SLC5A8: variants seen among roughly 807,000 people sequenced by gnomAD.
The protein encoded by SLC5A8 is sodium-coupled monocarboxylate transporter 1.
A neutral mutation model predicts 71.9 loss-of-function variants in SLC5A8; 55 were observed. The ratio of observed to expected loss-of-function variants is 0.77; its 90% CI spans 0.62 to 0.96. The LOEUF is 0.96. SLC5A8 is among the 40% of genes least tolerant of loss of function. The probability of loss-of-function intolerance (pLI) is 0.00; values close to 1 mark genes in which losing one functional copy is unlikely to be tolerated. For synonymous variants in SLC5A8, 307 were observed against 276.1 expected, an observed-to-expected ratio of 1.11 and a Z score of -1.11; for missense variants, 701 against 745.3, an observed-to-expected ratio of 0.94 and a Z score of 0.69.
chr12:101,191,626 A>G (rs890452905), intron 5 of SLC5A8, among the ~76,000 whole-genome samples: 1 of 152,252 alleles, frequency 6.6e-6, no homozygotes, highest in Non-Finnish European at 1.5e-5. Context: ...AAGTATGACA[A>G]GATTTAAAAC....
rs144991058 is a variant in SLC5A8 at position 101,182,885 on chromosome 12, T to C, written c.1083A>G (p.Ala361=). ...TGATTAGATCTTCCACAGTTACTGC[T>C]GCTAAGGCATTAATACTGGAGGACA... The part of the protein sequence containing the change: ...STVSSSINAL[A]AVTVEDLIKP... Residue 361 remains alanine, a synonymous_variant, in exon 9 of 15, where the codon GCA becomes GCG. Coordinates refer to ENST00000536262, the MANE Select transcript of SLC5A8 (RefSeq NM_145913.5). 5.0e-4 allele frequency: 800 copies of C among 1,593,172 alleles called. 1 individual carries two copies. The highest frequency in any genetic ancestry group is 6.4e-4 in the Non-Finnish European group (752 of 1,172,660).
chr12:101,184,183 G>T lies in SLC5A8; in HGVS notation c.1003C>A (p.Pro335Thr), dbSNP rs1420796225. 6.2e-7 allele frequency: 1 copy of T among 1,614,174 alleles called. No individual in the cohort carries two copies. Among genetic ancestry groups the T allele is most frequent in the Non-Finnish European group, 8.5e-7 (1 of 1,180,028 alleles). Reference protein sequence around the residue: ...YLVLDILQDYPGLPGLFVACA... With the variant: ...YLVLDILQDYTGLPGLFVACA... The stretch of plus-strand genomic sequence containing the variant: ...GCCACAAAAAGTCCAGGAAGTCCTG[G>T]ATAATCTTGCAGAATGTCCAGTACC... Residue 335 changes from proline (P) to threonine (T), a missense_variant, in exon 8 of 15, where the codon CCA (proline) becomes ACA (threonine). Pro to Thr is a conservative substitution (Grantham distance 38). Coordinates refer to ENST00000536262, the MANE Select transcript of SLC5A8 (RefSeq NM_145913.5).
intron 13 of SLC5A8, 137 bp downstream of exon 13, chr12:101,161,837 C>G (rs937934539): frequency 1.5e-6 from 1 of 674,494 alleles, no homozygotes; most frequent in Non-Finnish European, 2.5e-6. Flanking sequence ...CTTCAGATTT[C>G]CCATGAGTAA....
At chr12:101,192,716 CT>C (rs1187626863) in intron 5 of SLC5A8, among the ~76,000 whole-genome samples, 3 of 152,134 alleles carry the variant, frequency 2.0e-5, no homozygotes, top group African/African-American at 4.8e-5. Flanking sequence ...AGAAATAATA[CT>C]TCATATTAGA....
intron 2 of SLC5A8, among the ~76,000 whole-genome samples, chr12:101,202,424 C>T (rs1245442550): frequency 2.6e-5 from 4 of 152,072 alleles, no homozygotes; most frequent in Non-Finnish European, 5.9e-5. Context: ...TCATAAGTTA[C>T]AAATATTTTT....
At chr12:101,159,746 G>A (rs2051707328) in intron 13 of SLC5A8, among the ~76,000 whole-genome samples, 1 of 152,168 alleles carries the variant, frequency 6.6e-6, no homozygotes, top group Non-Finnish European at 1.5e-5. Flanking sequence ...AAAAAAAGGA[G>A]TATTCAAAGG....
chr12:101,157,124 A>G lies in SLC5A8; in HGVS notation c.*155T>C. On this transcript the variant is annotated 3_prime_UTR_variant, in exon 15 of 15. Transcript: ENST00000536262. ...AGTAACATCAATTAATGATGTAGTA[A>G]ATGAAGATAGTCCAGACTTTGTTTT... 1 of 735,952 alleles carries G rather than the reference A, an allele frequency of 1.4e-6. No individual in the cohort carries two copies. Among genetic ancestry groups the G allele is most frequent in the Admixed American group, 2.7e-5 (1 of 37,198 alleles). The allele number at this position is 735,952 out of a possible 1,614,324, so 45.6% of individuals were successfully genotyped here. A position where few individuals can be genotyped will look rare whatever the true frequency, so the allele number is the denominator to read the frequency against.
At chr12:101,190,864 T>G (rs561726311) in intron 5 of SLC5A8, among the ~76,000 whole-genome samples, 4 of 152,284 alleles carry the variant, frequency 2.6e-5, no homozygotes, top group African/African-American at 9.6e-5. Flanking sequence ...TTCTGAGCAT[T>G]TATATAACTT....
At chr12:101,199,511 T>G (rs1445482717) in intron 3 of SLC5A8, 1 of 152,050 alleles carries the variant, frequency 6.6e-6, no homozygotes, top group Non-Finnish European at 1.5e-5. Context: ...TTCACTTTAT[T>G]ATTTCAGAAG....
In SLC5A8 at chr12:101,209,797, A is replaced by T. The variant is rs1348249875; in HGVS notation, c.52T>A (p.Phe18Ile). Reference protein sequence around the residue: ...GTFVVWDYVVFAGMLVISAAI... With the variant: ...GTFVVWDYVVIAGMLVISAAI... ...GCCGAGATGACCAGCATGCCCGCGA[A>T]CACCACGTAGTCCCACACCACGAAG... Residue 18 changes from phenylalanine (F) to isoleucine (I), a missense_variant, in exon 1 of 15, where the codon TTC (phenylalanine) becomes ATC (isoleucine). Coordinates refer to ENST00000536262, the MANE Select transcript of SLC5A8 (RefSeq NM_145913.5). 2 of 1,604,218 alleles carry T rather than the reference A, an allele frequency of 1.2e-6. No individual in the cohort carries two copies. Among genetic ancestry groups the T allele is most frequent in the Non-Finnish European group, 1.7e-6 (2 of 1,174,942 alleles).
intron 10 of SLC5A8, among the ~76,000 whole-genome samples, chr12:101,169,117 T>C (rs943724491): frequency 6.6e-6 from 1 of 152,176 alleles, no homozygotes. Context: ...TGAGTCAGTT[T>C]ACACACAGTC....
intron 12 of SLC5A8, among the ~76,000 whole-genome samples, chr12:101,164,751 C>T (rs142555151): frequency 2.4e-4 from 37 of 152,342 alleles, no homozygotes; most frequent in African/African-American, 8.7e-4. Context: ...AGACTTCCTC[C>T]TTCTGGCTCC....
chr12:101,175,545 C>T (rs989230978), intron 10 of SLC5A8, among the ~76,000 whole-genome samples: 4 of 151,754 alleles, frequency 2.6e-5, no homozygotes, highest in Non-Finnish European at 5.9e-5. Flanking sequence ...ACATCAAAAA[C>T]TCAAAACAAG....
chr12:101,188,724 G>T (rs1442718543), intron 6 of SLC5A8, among the ~76,000 whole-genome samples: 1 of 152,136 alleles, frequency 6.6e-6, no homozygotes, highest in Non-Finnish European at 1.5e-5. Context: ...AAGAATCAAA[G>T]GTGGGTTTAT....
intron 10 of SLC5A8, among the ~76,000 whole-genome samples, chr12:101,168,621 C>T (rs546535956): frequency 6.6e-6 from 1 of 152,260 alleles, no homozygotes; most frequent in African/African-American, 2.4e-5. Context: ...ATTTGCCATT[C>T]CTGATTTGAT....
intron 13 of SLC5A8, 54 bp from the exon 14 acceptor site, chr12:101,158,382 C>T (rs1272965349): frequency 1.1e-5 from 12 of 1,115,544 alleles, no homozygotes; most frequent in South Asian, 2.7e-5. Flanking sequence ...CCAGTAACTA[C>T]ACAGAGACAT....
At chr12:101,168,406 G>T (rs1249487410) in intron 10 of SLC5A8, among the ~76,000 whole-genome samples, 1 of 152,156 alleles carries the variant, frequency 6.6e-6, no homozygotes, top group Admixed American at 6.5e-5. Flanking sequence ...CTCAAAAAAG[G>T]CCACACAACA....
intron 11 of SLC5A8, 31 bp from the exon 12 acceptor site, chr12:101,166,730 A>C: frequency 6.5e-7 from 1 of 1,539,574 alleles, no homozygotes; most frequent in African/African-American, 1.4e-5. Context: ...TAAAAGAAAA[A>C]TAATACAATT....
At chr12:101,157,796 G>A (rs187552076) in intron 14 of SLC5A8, among the ~76,000 whole-genome samples, 1 of 152,276 alleles carries the variant, frequency 6.6e-6, no homozygotes, top group East Asian at 1.9e-4. Context: ...AGGATAGACA[G>A]ATATAGAGAG....
Sources: gnomAD v4.1 joint callset for allele counts (sites outside exome capture counted in the v4.1 genomes callset) on GRCh38, gnomAD v4.1.1 for gene constraint, MANE v1.5 for transcripts, NCBI Gene and HGNC (gene_info 2026-07-23, HGNC 2026-07-21) for gene names.